Variants in CFAP410 observed in about 807,000 individuals in gnomAD.
CFAP410 encodes cilia and flagella associated protein 410.
Under a neutral mutation model 25.7 loss-of-function variants are expected in CFAP410, and 27 were observed. That is an observed-to-expected ratio of 1.05 (90% CI 0.77 to 1.45). The LOEUF is 1.45. Ranked by LOEUF, CFAP410 falls within the 40% of genes most tolerant of loss-of-function variation. The pLI, the probability that CFAP410 is intolerant of heterozygous loss-of-function variation, is 0.00. For synonymous variants in CFAP410, 178 were observed against 158.4 expected (o/e 1.12, Z -0.93); for missense variants, 428 against 354.1 (o/e 1.21, Z -1.67).
intron 5 of CFAP410, chr21:44,331,552 G>A (rs909635336): frequency 2.1e-5 from 9 of 427,302 alleles, no homozygotes; most frequent in East Asian, 4.7e-5. Flanking sequence ...TGCACCTCAC[G>A]AGCTCTGGTG....
rs549536131 is a variant in CFAP410 at position 44,333,095 on chromosome 21, G to A, written c.311C>T (p.Pro104Leu). The change falls in exon 4 of 7, where the codon CCC becomes CTC. Residue 104 changes from proline (P) to leucine (L), a missense_variant. Pro to Leu is a moderately conservative substitution (Grantham distance 98). Transcript: ENST00000339818. The part of the protein sequence containing the change: ...LAENPCCGTS[P>L]HRYRMTVLRT... ...CAGCACGGTCATGCGGTAGCGGTGG[G>A]GGCTGGTGCCGCAGCACGGGTTCTC... The A allele has an allele frequency of 1.2e-5, 19 of 1,610,014 alleles. No homozygotes were observed. Among genetic ancestry groups the A allele is most frequent in the Non-Finnish European group, 1.6e-5 (19 of 1,178,744 alleles).
At chr21:44,330,578 G>A in intron 6 of CFAP410, 1 of 1,549,756 alleles carries the variant, frequency 6.5e-7, no homozygotes, top group Non-Finnish European at 8.7e-7. Flanking sequence ...ACATTCCACA[G>A]ACCAGGACAG....
intron 6 of CFAP410, 43 bp from the exon 7 acceptor site, chr21:44,330,369 A>C (rs746909341): frequency 5.0e-6 from 8 of 1,586,558 alleles, no homozygotes; most frequent in Non-Finnish European, 6.9e-6. Flanking sequence ...CGGCACGGCG[A>C]GGCTGCTTCC....
At chr21:44,333,883 C>A (rs559588631) in intron 3 of CFAP410, 1 of 356,366 alleles carries the variant, frequency 2.8e-6, no homozygotes, top group Non-Finnish European at 5.6e-6. Context: ...CTCAAAGGCG[C>A]GGAGCCAGGG....
At chr21:44,330,949 C>T (rs2047636489) in intron 5 of CFAP410, 30 bp from the exon 6 acceptor site, 1 of 1,540,432 alleles carries the variant, frequency 6.5e-7, no homozygotes, top group African/African-American at 1.4e-5. Context: ...GTGTGAGGGT[C>T]AGGGGGCTCG....
intron 2 of CFAP410, among the ~76,000 whole-genome samples, 200 bp downstream of exon 2, chr21:44,337,449 T>C (rs1356778521): frequency 6.6e-6 from 1 of 152,230 alleles, no homozygotes; most frequent in African/African-American, 2.4e-5. Flanking sequence ...AAAATAAGCC[T>C]GGCACTAGAG....
chr21:44,330,096 TG>T lies in CFAP410; in HGVS notation c.*101del. 2 of 1,346,976 alleles carry T rather than the reference TG, an allele frequency of 1.5e-6. No individual in the cohort carries two copies. Among genetic ancestry groups the T allele is most frequent in the Non-Finnish European group, 2.0e-6 (2 of 995,002 alleles). The allele number at this position is 1,346,976 out of a possible 1,614,324, so 83.4% of individuals were successfully genotyped here. A position where few individuals can be genotyped will look rare whatever the true frequency, so the allele number is the denominator to read the frequency against. On this transcript the variant is annotated 3_prime_UTR_variant, in exon 7 of 7. Transcript: ENST00000339818. Reference sequence around the variant, plus strand: ...GTGGCAAACCGGGGAGGCTTTTGTGTGGGGCCGGGGCTGCGGCCATGGCAGC... The same window carrying T: ...GTGGCAAACCGGGGAGGCTTTTGTGTGGGCCGGGGCTGCGGCCATGGCAGC...
intron 2 of CFAP410, among the ~76,000 whole-genome samples, chr21:44,336,564 C>T (rs774210781): frequency 2.3e-4 from 35 of 152,130 alleles, no homozygotes; most frequent in Non-Finnish European, 4.1e-4. Context: ...TGTGAGAGCC[C>T]ACCATACGCC....
In CFAP410 at chr21:44,329,306, A is replaced by G. The variant is rs1031360838; in HGVS notation, c.*892T>C. ...ATGGAGATCTGGATCTCAACCCCAC[A>G]TGGGACAAGGGCCCAGGGACCTGGC... On this transcript the variant is annotated 3_prime_UTR_variant, in exon 7 of 7. Transcript: ENST00000339818. 6.6e-6 allele frequency: 1 copy of G among 152,146 alleles called. No homozygotes were observed. 9.4% of individuals were successfully genotyped at this position (152,146 alleles called of 1,614,324 possible).
chr21:44,331,719 C>G, intron 5 of CFAP410, 124 bp downstream of exon 5: 3 of 882,482 alleles, frequency 3.4e-6, no homozygotes, highest in Non-Finnish European at 5.1e-6. Context: ...AGACACTCCC[C>G]CCGGATAATC....
intron 1 of CFAP410, chr21:44,338,332 C>T (rs750215095): frequency 2.1e-5 from 27 of 1,289,026 alleles, no homozygotes; most frequent in Non-Finnish European, 2.7e-5. Flanking sequence ...CGCGGTCACT[C>T]TGCTGAGTCC....
Position 44,330,015 on chromosome 21 carries a change from C to T in CFAP410, c.*183G>A, listed in dbSNP as rs1400732751. 2 of 636,304 alleles carry T rather than the reference C, an allele frequency of 3.1e-6. No individual in the cohort carries two copies. Among genetic ancestry groups the T allele is most frequent in the Non-Finnish European group, 5.4e-6 (2 of 369,784 alleles). 39.4% of individuals were successfully genotyped at this position (636,304 alleles called of 1,614,324 possible). ...TGGGGACAGGACTGGTGTAGACAGG[C>T]ATCTCCACCGCCCCGGTTAGCCAGT... On this transcript the variant is annotated 3_prime_UTR_variant, in exon 7 of 7. Transcript: ENST00000339818.
At position 44,339,307 on chromosome 21, in the gene CFAP410, C is replaced by T. The variant is rs1189935267; in HGVS notation, c.-113G>A. On this transcript the variant is annotated 5_prime_UTR_variant, in exon 1 of 7. Transcript: ENST00000339818. Reference sequence around the variant, plus strand: ...GGGCCCGCGTCGTCAGGGGCGGATCCTGAGCCGATTGGCGGCTCGGTGAGG... The same window carrying T: ...GGGCCCGCGTCGTCAGGGGCGGATCTTGAGCCGATTGGCGGCTCGGTGAGG... 1.3e-5 allele frequency: 8 copies of T among 612,488 alleles called. No homozygotes were observed. The East Asian group carries it at 2.5e-4, about 19-fold the overall frequency. 37.9% of individuals were successfully genotyped at this position (612,488 alleles called of 1,614,324 possible). A position where few individuals can be genotyped will look rare whatever the true frequency, so the allele number is the denominator to read the frequency against.
chr21:44,332,001 C>T lies in CFAP410; in HGVS notation c.387G>A (p.Glu129=), dbSNP rs1213194893. ...CCTCACTCAGTGCACGGGACAGCTC[C>T]TCCTCCGTCACAGCTTTGGGATGAA... The part of the protein sequence containing the change: ...QKLDNQAVTE[E]ELSRALSEGE... The change falls in exon 5 of 7, where the codon GAG becomes GAA. Residue 129 remains glutamate (E), a synonymous_variant. Coordinates refer to ENST00000339818, the MANE Select transcript of CFAP410 (RefSeq NM_004928.3). The T allele has an allele frequency of 2.5e-6, 4 of 1,601,766 alleles. No individual in the cohort carries two copies. Among genetic ancestry groups the T allele is most frequent in the Admixed American group, 1.7e-5 (1 of 58,000 alleles).
rs754854788 is a variant in CFAP410, at chr21:44,330,151, G to A, written c.*47C>T. On this transcript the variant is annotated 3_prime_UTR_variant, in exon 7 of 7. Coordinates refer to ENST00000339818, the MANE Select transcript of CFAP410 (RefSeq NM_004928.3). ...CCTCCAGCTCCCGGGGGCTGGGGAA[G>A]ACGCTGGGGTCCCCGTGGAGGCTGG... is the stretch of plus-strand genomic sequence containing the variant. 2 of 1,534,334 alleles carry A rather than the reference G, an allele frequency of 1.3e-6. No homozygotes were observed. Among genetic ancestry groups the A allele is most frequent in the Non-Finnish European group, 8.7e-7 (1 of 1,145,032 alleles).
chr21:44,335,495 G>A, intron 3 of CFAP410: 1 of 563,586 alleles, frequency 1.8e-6, no homozygotes, highest in South Asian at 2.1e-5. Context: ...ACAGGCCAAG[G>A]GTGGGCAGGC....
rs914802147 is a variant in CFAP410, at chr21:44,329,234, GCA to G, written c.*962_*963del. The G allele has an allele frequency of 1.3e-5, 2 of 152,312 alleles. No individual in the cohort carries two copies. Among genetic ancestry groups the G allele is most frequent in the African/African-American group, 2.4e-5 (1 of 41,452 alleles). 9.4% of individuals were successfully genotyped at this position (152,312 alleles called of 1,614,324 possible). A position where few individuals can be genotyped will look rare whatever the true frequency, so the allele number is the denominator to read the frequency against. ...CCCGAGCTTGGGAGAACAGCGGCCT[GCA>G]CACACGGTCACGCATCACCGCTCGG... On this transcript the variant is annotated 3_prime_UTR_variant, in exon 7 of 7. Transcript: ENST00000339818.
At chr21:44,334,023 C>T (rs1480559913) in intron 3 of CFAP410, 1 of 439,722 alleles carries the variant, frequency 2.3e-6, no homozygotes, top group Non-Finnish European at 4.6e-6. Flanking sequence ...TTTCCCAGGT[C>T]TCATGCAGCT....
intron 2 of CFAP410, among the ~76,000 whole-genome samples, chr21:44,336,547 C>T (rs1301253041): frequency 6.6e-6 from 1 of 152,130 alleles, no homozygotes; most frequent in Non-Finnish European, 1.5e-5. Flanking sequence ...TGCAAAGCTC[C>T]CACATATGTG....
Sources: gnomAD v4.1 joint callset for allele counts (sites outside exome capture counted in the v4.1 genomes callset) on GRCh38, gnomAD v4.1.1 for gene constraint, MANE v1.5 for transcripts, NCBI Gene and HGNC (gene_info 2026-07-23, HGNC 2026-07-21) for gene names.